The following TINCR variants were observed in gnomAD, a reference collection of about 807,000 sequenced individuals.
TINCR encodes TINCR-encoded ubiquitin-like protein.
chr19:5,567,942 G>GGCTCCA (rs964133656), exon 1 of TINCR: 5 of 378,156 alleles, frequency 1.3e-5, no homozygotes, highest in Non-Finnish European at 9.4e-6. Context: ...GCCCGGCTCC[G>GGCTCCA]GCTCCAGCTC....
chr19:5,560,575 C>T (rs945638998), downstream of TINCR: 1 of 152,372 alleles, frequency 6.6e-6, no homozygotes, highest in Non-Finnish European at 1.5e-5. The surrounding 1 kb of genome is among the most constrained non-coding windows in gnomAD (Gnocchi z 4.5). Context: ...ACAACGCACT[C>T]CCTGCAATGC....
chr19:5,558,960 A>G (rs1235042180), downstream of TINCR: 2 of 151,740 alleles, frequency 1.3e-5, no homozygotes, highest in Non-Finnish European at 2.9e-5. Flanking sequence ...ACAGATGGGA[A>G]GGGAAGGGAA....
In TINCR at chr19:5,563,241, C is replaced by T. The variant is rs2052110281; in HGVS notation, c.261-292G>A. 6.6e-6 allele frequency among the ~76,000 whole-genome samples: 1 copy of T among 151,982 alleles called. No homozygotes were observed. Among genetic ancestry groups the T allele is most frequent in the Admixed American group, 6.6e-5 (1 of 15,236 alleles). On this transcript the variant is annotated intron_variant, in intron 1 of 1. Transcript: ENST00000646160. This position sits in a 1 kb window ranked among gnomAD's most constrained non-coding sequence, Gnocchi z 4.7. ...GGGCTGCCGGCAGAGGAGGGACACG[C>T]CCCGACTCAGGGGCTCACAGGCGCC...
chr19:5,567,628 C>CA, intron 1 of TINCR, 37 bp downstream of exon 1: 2 of 332,956 alleles, frequency 6.0e-6, no homozygotes, highest in Non-Finnish European at 1.1e-5. Context: ...CCCCGGCCGC[C>CA]GCCCCCGCCC....
chr19:5,567,939 T>TCCGGCTCCAGCTCTGGCC (rs1266896288), exon 1 of TINCR: 2 of 378,036 alleles, frequency 5.3e-6, no homozygotes, highest in South Asian at 1.3e-4. Context: ...CCCGCCCGGC[T>TCCGGCTCCAGCTCTGGCC]CCGGCTCCAG....
intron 1 of TINCR, among the ~76,000 whole-genome samples, chr19:5,566,488 A>AGAGAGAGACAGAGAC (rs1568193877): frequency 2.6e-5 from 4 of 151,840 alleles, no homozygotes; most frequent in Non-Finnish European, 4.4e-5. Context: ...GCAGAGACAC[A>AGAGAGAGACAGAGAC]GAGAGAGACA....
Position 5,564,271 on chromosome 19 carries a change from C to T in TINCR, c.261-1322G>A, listed in dbSNP as rs562977090. ...GCGCTGACAGGTCCCAAGTGTTTTT[C>T]TCATTTCTCACATGGGGAAGCTGAG... is the stretch of plus-strand genomic sequence containing the variant. On this transcript the variant is annotated intron_variant, in intron 1 of 1. Coordinates refer to ENST00000646160, the Ensembl canonical transcript of TINCR. Among the ~76,000 whole-genome samples the T allele has an allele frequency of 2.0e-5, 3 of 152,316 alleles. No individual in the cohort carries two copies. In the South Asian group the frequency reaches 6.2e-4, roughly 32 times the overall value.
At chr19:5,567,916 C>A in exon 1 of TINCR, 1 of 385,084 alleles carries the variant, frequency 2.6e-6, no homozygotes, top group Non-Finnish European at 4.6e-6. Flanking sequence ...CCCGCCGCAG[C>A]CCCTCCATGG....
At chr19:5,566,327 G>A (rs1486364419) in intron 1 of TINCR, among the ~76,000 whole-genome samples, 1 of 151,858 alleles carries the variant, frequency 6.6e-6, no homozygotes, top group African/African-American at 2.4e-5. Context: ...ACAGCGGGAA[G>A]AGACAGAAAT....
chr19:5,567,886 G>C (rs1284401631), exon 1 of TINCR: 1 of 390,168 alleles, frequency 2.6e-6, no homozygotes, highest in South Asian at 1.3e-4. Flanking sequence ...TGATGTGGTA[G>C]CGCTTCCAGC....
intron 1 of TINCR, among the ~76,000 whole-genome samples, chr19:5,564,129 G>A (rs2052115533): frequency 6.6e-6 from 1 of 151,996 alleles, no homozygotes; most frequent in African/African-American, 2.4e-5. Context: ...AACAGGAGGT[G>A]GCAAGAGAGG....
chr19:5,558,606 A>G (rs751202761), downstream of TINCR: 9 of 152,272 alleles, frequency 5.9e-5, no homozygotes, highest in Admixed American at 5.2e-4. Context: ...CAAGGCCAAG[A>G]CATTCCACAA....
At chr19:5,560,133 G>A (rs1230762410), downstream of TINCR, 1 of 152,274 alleles carries the variant, frequency 6.6e-6, no homozygotes, top group African/African-American at 2.4e-5. This position sits in a 1 kb window ranked among gnomAD's most constrained non-coding sequence, Gnocchi z 4.5. Flanking sequence ...GGAGTGAAGT[G>A]GGGCTCCTCT....
chr19:5,561,645 A>G, downstream of TINCR: 1 of 152,250 alleles, frequency 6.6e-6, no homozygotes, highest in African/African-American at 2.4e-5. Flanking sequence ...CTCTGTCGCC[A>G]GGCTGGAGTG....
At chr19:5,566,542 C>A (rs188663913) in intron 1 of TINCR, among the ~76,000 whole-genome samples, 119 of 147,540 alleles carry the variant, frequency 8.1e-4, no homozygotes, top group Non-Finnish European at 1.5e-3. Flanking sequence ...GAGAGAGATG[C>A]GCGCACACAC....
At chr19:5,567,796 C>A in exon 1 of TINCR, 1 of 394,500 alleles carries the variant, frequency 2.5e-6, no homozygotes, top group Non-Finnish European at 4.5e-6. Context: ...GGCCCACCAG[C>A]TGGGCGCGCA....
chr19:5,566,172 CAG>C (rs1427992535), intron 1 of TINCR, among the ~76,000 whole-genome samples: 5 of 152,092 alleles, frequency 3.3e-5, no homozygotes, highest in African/African-American at 1.2e-4. Flanking sequence ...AAGAGAGAGA[CAG>C]AGCTTCAGAG....
downstream of TINCR, chr19:5,559,574 ATC>A (rs1489947362): frequency 6.6e-6 from 1 of 152,076 alleles, no homozygotes; most frequent in Non-Finnish European, 1.5e-5. Flanking sequence ...TGACCTCATG[ATC>A]CGCCTGCCTC....
At chr19:5,559,126 ACTGT>A (rs2052086780), downstream of TINCR, 1 of 152,150 alleles carries the variant, frequency 6.6e-6, no homozygotes, top group Admixed American at 6.5e-5. Context: ...TGATTTGCAT[ACTGT>A]TTGTTAAATG....
Sources: allele counts gnomAD v4.1 joint callset (sites outside exome capture counted in the v4.1 genomes callset), GRCh38; gene constraint gnomAD v4.1.1; non-coding constraint Gnocchi (gnomAD v3.1); transcripts MANE v1.5; gene names NCBI Gene and HGNC (gene_info 2026-07-23, HGNC 2026-07-21).